CMIP: variants seen among roughly 807,000 people sequenced by gnomAD.
CMIP encodes c-Maf inducing protein, also known as C-Maf-inducing protein.
Under a neutral mutation model 97.3 loss-of-function variants are expected in CMIP, and 13 were observed. That is an observed-to-expected ratio of 0.13 (90% CI 0.09 to 0.21). The LOEUF (loss-of-function observed/expected upper bound fraction) is 0.21, where lower values mean the gene tolerates loss of function less well. Ranked by LOEUF, CMIP falls within the 10% of genes least tolerant of loss-of-function variation. The probability of loss-of-function intolerance (pLI) is 1.00; values close to 1 mark genes in which losing one functional copy is unlikely to be tolerated. For synonymous variants in CMIP, 538 were observed against 436.3 expected (o/e 1.23, Z -2.91); for missense variants, 847 against 1,024.9 (o/e 0.83, Z 2.37).
rs958195043 is a variant in CMIP at position 81,444,931 on chromosome 16, C to G, written c.-311C>G. Among the ~76,000 whole-genome samples the G allele has an allele frequency of 3.6e-4, 45 of 126,460 alleles. No individual in the cohort carries two copies. The highest frequency in any genetic ancestry group is 1.3e-3 in the African/African-American group (44 of 35,112). The allele number at this position is 126,460 out of a possible 152,430, so 83.0% of individuals were successfully genotyped here. A position where few individuals can be genotyped will look rare whatever the true frequency, so the allele number is the denominator to read the frequency against. ...CCCGGCGCCCGCCCTCCGCGCCTGG[C>G]CCCGGCCCGCCCTCGGCCTCCCCCG... is the stretch of plus-strand genomic sequence containing the variant. On this transcript the variant is annotated 5_prime_UTR_variant, in exon 1 of 21. Transcript: ENST00000537098.
intron 1 of CMIP, among the ~76,000 whole-genome samples, chr16:81,452,734 C>T (rs1346875277): frequency 6.6e-6 from 1 of 152,130 alleles, no homozygotes; most frequent in African/African-American, 2.4e-5. Context: ...TTTCCTTCCT[C>T]CTGCTCTGTG....
At chr16:81,685,794 C>G (rs1270193409) in intron 10 of CMIP, among the ~76,000 whole-genome samples, 9 of 151,654 alleles carry the variant, frequency 5.9e-5, no homozygotes, top group Admixed American at 5.3e-4. Context: ...GAACTCCTGG[C>G]CTCAAGCAAT....
intron 3 of CMIP, among the ~76,000 whole-genome samples, chr16:81,644,370 C>T (rs1353804372): frequency 6.6e-6 from 1 of 152,052 alleles, no homozygotes; most frequent in African/African-American, 2.4e-5. Flanking sequence ...GGGAATAAGG[C>T]CAGGGGGCTG....
At chr16:81,662,327 C>T (rs1270264047) in intron 6 of CMIP, among the ~76,000 whole-genome samples, 2 of 152,196 alleles carry the variant, frequency 1.3e-5, no homozygotes, top group African/African-American at 2.4e-5. Flanking sequence ...GTGTTTCCTA[C>T]CTGAGGCTTC....
At chr16:81,628,179 C>G (rs1298784935) in intron 3 of CMIP, among the ~76,000 whole-genome samples, 2 of 152,128 alleles carry the variant, frequency 1.3e-5, no homozygotes, top group African/African-American at 2.4e-5. Context: ...ACCCCTGGCT[C>G]TGACCTTGCT....
rs960191430 is a variant in CMIP at position 81,664,478 on chromosome 16, G to A, written c.825+129G>A. ...GCCCAGCGTGACAGCCAGGAACTGGGGTTGAGATTCTGGTTAAGGACTTTT... is the reference window on the plus strand; with the variant it reads ...GCCCAGCGTGACAGCCAGGAACTGGAGTTGAGATTCTGGTTAAGGACTTTT... On this transcript the variant is annotated intron_variant, in intron 7 of 20. Transcript: ENST00000537098. 9.9e-6 allele frequency: 8 copies of A among 806,608 alleles called. No homozygotes were observed. The African/African-American group carries it at 1.2e-4, about 12-fold the overall frequency. 50.0% of individuals were successfully genotyped at this position (806,608 alleles called of 1,614,324 possible).
At chr16:81,598,730 A>G (rs6564893) in intron 1 of CMIP, among the ~76,000 whole-genome samples, 38,850 of 151,942 alleles carry the variant, frequency 0.26, 7,588 homozygotes, top group African/African-American at 0.54. Flanking sequence ...ACTTTGAGAG[A>G]CTGATGCATG....
At position 81,457,288 on chromosome 16, in the gene CMIP, G is replaced by A. The variant is rs111656125; in HGVS notation, c.300+11747G>A. ...GGCAGCCAGGTCGCCTTTGCCTCTT[G>A]CCTTCTCCACTCCACATTTACCTCC... On this transcript the variant is annotated intron_variant, in intron 1 of 20. Coordinates refer to ENST00000537098, the MANE Select transcript of CMIP (RefSeq NM_198390.3). Among the ~76,000 whole-genome samples the A allele has an allele frequency of 4.8e-3, 729 of 152,062 alleles. 2 individuals carry two copies. Among genetic ancestry groups the A allele is most frequent in the Middle Eastern group, 0.021 (6 of 292 alleles).
Position 81,674,657 on chromosome 16 carries a change from C to G in CMIP, c.1034+2587C>G, listed in dbSNP as rs563065274. On this transcript the variant is annotated intron_variant, in intron 9 of 20. Coordinates refer to ENST00000537098, the MANE Select transcript of CMIP (RefSeq NM_198390.3). ...CTGGAGTGCAGTGGCACAATCTTGG[C>G]TCACTACAGCCTCCACCTCCTGGGT... Among the ~76,000 whole-genome samples, 5 of 152,138 alleles carry G rather than the reference C, an allele frequency of 3.3e-5. No homozygotes were observed. The East Asian group carries it at 7.7e-4, about 24-fold the overall frequency.
At chr16:81,601,801 G>A (rs538579459) in intron 1 of CMIP, among the ~76,000 whole-genome samples, 12 of 152,270 alleles carry the variant, frequency 7.9e-5, no homozygotes, top group South Asian at 4.1e-4. Context: ...TCTGGGCACC[G>A]TCACCTTGCG....
chr16:81,464,414 C>T (rs1476782024), intron 1 of CMIP: 1 of 152,194 alleles, frequency 6.6e-6, no homozygotes, highest in Non-Finnish European at 1.5e-5. Context: ...GCTGTCCCTA[C>T]CCCGGTACAG....
chr16:81,459,181 G>A (rs1906753883), intron 1 of CMIP, among the ~76,000 whole-genome samples: 1 of 152,144 alleles, frequency 6.6e-6, no homozygotes, highest in Non-Finnish European at 1.5e-5. Context: ...CAGGGTTTGG[G>A]TCCGTTTTTC....
At chr16:81,674,427 G>A (rs1567653158) in intron 9 of CMIP, among the ~76,000 whole-genome samples, 2 of 151,548 alleles carry the variant, frequency 1.3e-5, no homozygotes, top group Non-Finnish European at 2.9e-5. Flanking sequence ...CACCGCGCCT[G>A]GCTTACAGTA....
intron 1 of CMIP, among the ~76,000 whole-genome samples, chr16:81,579,717 C>G (rs1000405724): frequency 9.0e-5 from 11 of 122,654 alleles, no homozygotes; most frequent in Non-Finnish European, 8.2e-5. Flanking sequence ...AGTTCTGCCA[C>G]TTAAAAAAAA....
intron 1 of CMIP, among the ~76,000 whole-genome samples, chr16:81,526,767 G>A (rs1159110608): frequency 6.6e-6 from 1 of 152,256 alleles, no homozygotes; most frequent in Non-Finnish European, 1.5e-5. Flanking sequence ...AGGGGTCACA[G>A]TGAAGGCCCC....
intron 1 of CMIP, among the ~76,000 whole-genome samples, chr16:81,516,324 C>T (rs776734966): frequency 1.3e-5 from 2 of 152,208 alleles, no homozygotes; most frequent in East Asian, 1.9e-4. Flanking sequence ...GCTTCTCTCC[C>T]GTTTTAAACG....
chr16:81,486,240 T>C (rs2150761533), intron 1 of CMIP, among the ~76,000 whole-genome samples: 2 of 152,320 alleles, frequency 1.3e-5, no homozygotes, highest in Admixed American at 1.3e-4. Flanking sequence ...TCCCAAGAAG[T>C]GGCTGTGAGA....
At chr16:81,471,921 C>A (rs1278968913) in intron 1 of CMIP, among the ~76,000 whole-genome samples, 1 of 152,206 alleles carries the variant, frequency 6.6e-6, no homozygotes, top group African/African-American at 2.4e-5. Flanking sequence ...AAAGAATTGT[C>A]TGGAATTTTC....
chr16:81,529,742 GC>G (rs769590984), intron 1 of CMIP, among the ~76,000 whole-genome samples: 1 of 152,164 alleles, frequency 6.6e-6, no homozygotes, highest in African/African-American at 2.4e-5. Flanking sequence ...GCAATTCCCG[GC>G]TTTAAGATGG....
Sources: gnomAD v4.1 joint callset for allele counts (sites outside exome capture counted in the v4.1 genomes callset) on GRCh38, gnomAD v4.1.1 for gene constraint, MANE v1.5 for transcripts, NCBI Gene and HGNC (gene_info 2026-07-23, HGNC 2026-07-21) for gene names.